The following PLEKHJ1 variants were observed in gnomAD, a reference collection of about 807,000 sequenced individuals.
PLEKHJ1 encodes pleckstrin homology domain-containing family J member 1.
A neutral mutation model predicts 21.7 loss-of-function variants in PLEKHJ1; 20 were observed. That is an observed-to-expected ratio of 0.92 (90% CI 0.65 to 1.34). The LOEUF is 1.34. PLEKHJ1 is among the 40% of genes most tolerant of loss of function. The probability of loss-of-function intolerance (pLI) is 0.00; values close to 1 mark genes in which losing one functional copy is unlikely to be tolerated. For missense variants in PLEKHJ1, 241 were observed against 202.0 expected, an observed-to-expected ratio of 1.19 and a Z score of -1.17; for synonymous variants, 113 against 80.6, an observed-to-expected ratio of 1.40 and a Z score of -2.15.
In PLEKHJ1 at chr19:2,235,826, G is replaced by T. The variant is rs1298082435; in HGVS notation, c.165C>A (p.Pro55=). Reference sequence around the variant, plus strand: ...AGCGCTCCAGCAGCAGGGCTCCGACGGGCTGGAGGAGACACGGGCGCCGGG... The same window carrying T: ...AGCGCTCCAGCAGCAGGGCTCCGACTGGCTGGAGGAGACACGGGCGCCGGG... The part of the protein sequence containing the change: ...LFYFRTDEAE[P]VGALLLERCR... The change falls in exon 3 of 6, where the codon CCC becomes CCA. Residue 55 remains proline, a splice_region_variant and synonymous_variant. Transcript: ENST00000326631. The T allele has an allele frequency of 3.2e-6, 5 of 1,556,876 alleles. No homozygotes were observed. In the Admixed American group the frequency reaches 5.8e-5, roughly 18 times the overall value.
chr19:2,235,948 A>C lies in PLEKHJ1; in HGVS notation c.137T>G (p.Phe46Cys). ...CTCGGCCTCGTCTGTCCGAAAGTAGAAGAGGAAATTCACCACCAGCTTCAC... is the reference window on the plus strand; with the variant it reads ...CTCGGCCTCGTCTGTCCGAAAGTAGCAGAGGAAATTCACCACCAGCTTCAC... ...RLVKLVVNFL[F>C]YFRTDEAEPV... Residue 46 changes from phenylalanine (F) to cysteine (C), a missense_variant, in exon 2 of 6, where the codon TTC (phenylalanine) becomes TGC (cysteine). Coordinates refer to ENST00000326631, the MANE Select transcript of PLEKHJ1 (RefSeq NM_018049.3). 6.2e-7 allele frequency: 1 copy of C among 1,610,460 alleles called. No homozygotes were observed. Among genetic ancestry groups the C allele is most frequent in the Non-Finnish European group, 8.5e-7 (1 of 1,179,106 alleles).
chr19:2,232,873 T>C (rs1253208215), downstream of PLEKHJ1, among the ~76,000 whole-genome samples: 1 of 152,094 alleles, frequency 6.6e-6, no homozygotes, highest in Non-Finnish European at 1.5e-5. Flanking sequence ...CCTTTTCACA[T>C]CAGATGGACC....
chr19:2,234,055 C>T lies in PLEKHJ1; in HGVS notation c.327G>A (p.Glu109=). 6.2e-7 allele frequency: 1 copy of T among 1,613,578 alleles called. No homozygotes were observed. The highest frequency in any genetic ancestry group is 8.5e-7 in the Non-Finnish European group (1 of 1,180,028). Residue 109 remains glutamate, a synonymous_variant, in exon 5 of 6, where the codon GAG becomes GAA. Coordinates refer to ENST00000326631, the MANE Select transcript of PLEKHJ1 (RefSeq NM_018049.3). ...AGAAGATGAGGCTTCTCCGCATGAACTCGTAGCTGGGGAAAAGGGTGGCAC... is the reference window on the plus strand; with the variant it reads ...AGAAGATGAGGCTTCTCCGCATGAATTCGTAGCTGGGGAAAAGGGTGGCAC... ...WMEALRRASY[E]FMRRSLIFYR... is the part of the protein sequence containing the mutation.
chr19:2,235,935 T>C lies in PLEKHJ1; in HGVS notation c.150A>G (p.Thr50=), dbSNP rs144856885. The C allele has an allele frequency of 1.2e-5, 19 of 1,610,152 alleles. No homozygotes were observed. In the African/African-American group the frequency reaches 2.3e-4, roughly 19 times the overall value. Residue 50 remains threonine, a synonymous_variant, in exon 2 of 6, where the codon ACA becomes ACG. Coordinates refer to ENST00000326631, the MANE Select transcript of PLEKHJ1 (RefSeq NM_018049.3). The part of the protein sequence containing the change: ...LVVNFLFYFR[T]DEAEPVGALL... ...GGGACGCCCCTACCTCGGCCTCGTCTGTCCGAAAGTAGAAGAGGAAATTCA... is the reference window on the plus strand; with the variant it reads ...GGGACGCCCCTACCTCGGCCTCGTCCGTCCGAAAGTAGAAGAGGAAATTCA...
At chr19:2,229,994 T>C (rs751399828), downstream of PLEKHJ1, 3 of 773,072 alleles carry the variant, frequency 3.9e-6, no homozygotes, top group Non-Finnish European at 6.1e-6. Context: ...TTAGATAAAG[T>C]ATTTATCATT....
chr19:2,233,081 C>T (rs1294823010), downstream of PLEKHJ1: 1 of 152,544 alleles, frequency 6.6e-6, no homozygotes, highest in Non-Finnish European at 1.5e-5. Flanking sequence ...TCTCAGGACC[C>T]TGAGCCTTAC....
In PLEKHJ1 at chr19:2,236,307, C is replaced by G. The variant is rs1437993346; in HGVS notation, c.-59G>C. On this transcript the variant is annotated 5_prime_UTR_variant, in exon 1 of 6. Coordinates refer to ENST00000326631, the MANE Select transcript of PLEKHJ1 (RefSeq NM_018049.3). Reference sequence around the variant, plus strand: ...CTCCCGGCCGCCGTCCCCGCTCAGGCTGGGGCCGGCGCCAAAAATGTCTCA... The same window carrying G: ...CTCCCGGCCGCCGTCCCCGCTCAGGGTGGGGCCGGCGCCAAAAATGTCTCA... The G allele has an allele frequency of 1.2e-5, 14 of 1,120,474 alleles. No individual in the cohort carries two copies. Among genetic ancestry groups the G allele is most frequent in the Non-Finnish European group, 1.4e-5 (12 of 857,422 alleles). The allele number at this position is 1,120,474 out of a possible 1,614,324, so 69.4% of individuals were successfully genotyped here. A position where few individuals can be genotyped will look rare whatever the true frequency, so the allele number is the denominator to read the frequency against.
chr19:2,230,557 G>A (rs1303759053), downstream of PLEKHJ1: 16 of 398,636 alleles, frequency 4.0e-5, no homozygotes, highest in Non-Finnish European at 7.1e-5. Context: ...GGCTGTCCAT[G>A]GCTCGCAGCA....
At position 2,234,040 on chromosome 19, in the gene PLEKHJ1, G is replaced by A. The variant is rs1136203; in HGVS notation, c.342C>T (p.Ser114=). 1.2e-6 allele frequency: 2 copies of A among 1,613,528 alleles called. No individual in the cohort carries two copies. Among genetic ancestry groups the A allele is most frequent in the East Asian group, 2.2e-5 (1 of 44,890 alleles). Residue 114 remains serine, a synonymous_variant, in exon 5 of 6, where the codon AGC becomes AGT. Coordinates refer to ENST00000326631, the MANE Select transcript of PLEKHJ1 (RefSeq NM_018049.3). ...RRASYEFMRR[S]LIFYRNEIRK... is the part of the protein sequence containing the mutation. ...GGATTTCGTTCCTGTAGAAGATGAG[G>A]CTTCTCCGCATGAACTCGTAGCTGG... is the stretch of plus-strand genomic sequence containing the variant.
Position 2,236,185 on chromosome 19 carries a change from G to T in PLEKHJ1, c.64C>A (p.Leu22Met). The change falls in exon 1 of 6, where the codon CTG becomes ATG. Residue 22 changes from leucine (L) to methionine (M), a missense_variant. Coordinates refer to ENST00000326631, the MANE Select transcript of PLEKHJ1 (RefSeq NM_018049.3). Reference protein sequence around the residue: ...SRQPAEMAAELGMRGPKKGSV... With the variant: ...SRQPAEMAAEMGMRGPKKGSV... ...CCCTTCTTGGGGCCCCTCATGCCCAGCTCGGCCGCCATCTCGGCCGGCTGC... is the reference window on the plus strand; with the variant it reads ...CCCTTCTTGGGGCCCCTCATGCCCATCTCGGCCGCCATCTCGGCCGGCTGC... 4.7e-6 allele frequency: 7 copies of T among 1,481,304 alleles called. No homozygotes were observed. Among genetic ancestry groups the T allele is most frequent in the Non-Finnish European group, 5.4e-6 (6 of 1,118,454 alleles). The allele number at this position is 1,481,304 out of a possible 1,614,324, so 91.8% of individuals were successfully genotyped here. A position where few individuals can be genotyped will look rare whatever the true frequency, so the allele number is the denominator to read the frequency against.
rs2144991350 is a variant in PLEKHJ1, at chr19:2,234,238, A to C, written c.232T>G (p.Phe78Val). Reference sequence around the variant, plus strand: ...TACTTCCTCTCAGGGTCCTCAATGAAGCCTGGGGATGGAACACCTGTGGTC... The same window carrying C: ...TACTTCCTCTCAGGGTCCTCAATGACGCCTGGGGATGGAACACCTGTGGTC... ...REEPGTFSIS[F>V]IEDPERKYHF... The change falls in exon 4 of 6, where the codon TTC becomes GTC. Residue 78 changes from phenylalanine to valine, a missense_variant and splice_region_variant. Transcript: ENST00000326631. 6.2e-7 allele frequency: 1 copy of C among 1,611,988 alleles called. No homozygotes were observed. Among genetic ancestry groups the C allele is most frequent in the South Asian group, 1.1e-5 (1 of 91,038 alleles).
chr19:2,234,115 C>T, intron 4 of PLEKHJ1, 35 bp downstream of exon 4: 1 of 1,611,142 alleles, frequency 6.2e-7, no homozygotes, highest in Non-Finnish European at 8.5e-7. Flanking sequence ...GCTGCTGTGC[C>T]CACCCCAGCA....
downstream of PLEKHJ1, chr19:2,230,879 T>C (rs2024569773): frequency 3.1e-6 from 1 of 323,442 alleles, no homozygotes; most frequent in Non-Finnish European, 5.6e-6. Context: ...CATCCCTTCC[T>C]GTCAGGGCCA....
Position 2,236,157 on chromosome 19 carries a change from C to A in PLEKHJ1, c.92G>T (p.Ser31Ile). 6.8e-7 allele frequency: 1 copy of A among 1,479,326 alleles called. No individual in the cohort carries two copies. Among genetic ancestry groups the A allele is most frequent in the East Asian group, 2.9e-5 (1 of 33,924 alleles). The allele number at this position is 1,479,326 out of a possible 1,614,324, so 91.6% of individuals were successfully genotyped here. The change falls in exon 1 of 6, where the codon AGC becomes ATC. Residue 31 changes from serine to isoleucine, a missense_variant and splice_region_variant. By Grantham distance (142) the Ser-to-Ile change is moderately radical. Coordinates refer to ENST00000326631, the MANE Select transcript of PLEKHJ1 (RefSeq NM_018049.3). ...TCGGTCTCCCGGGTCCCGCTCACCG[C>A]TGCCCTTCTTGGGGCCCCTCATGCC... is the stretch of plus-strand genomic sequence containing the variant. ...ELGMRGPKKG[S>I]VLKRRLVKLV...
At chr19:2,231,177 G>T, downstream of PLEKHJ1, 1 of 227,602 alleles carries the variant, frequency 4.4e-6, no homozygotes, top group Non-Finnish European at 8.7e-6. Flanking sequence ...CTGGAGGATG[G>T]GATCTGGGAG....
At position 2,233,679 on chromosome 19, in the gene PLEKHJ1, CAGTG is replaced by C. The variant is rs2024686970; in HGVS notation, c.*157_*160del. ...ACTTGAGTCCAGAAGGTCAAGGTCACAGTGAGCTGTGGCACCACTGCACTCTAGC... is the reference window on the plus strand; with the variant it reads ...ACTTGAGTCCAGAAGGTCAAGGTCACAGCTGTGGCACCACTGCACTCTAGC... On this transcript the variant is annotated 3_prime_UTR_variant, in exon 6 of 6. Coordinates refer to ENST00000326631, the MANE Select transcript of PLEKHJ1 (RefSeq NM_018049.3). The C allele has an allele frequency of 3.1e-6, 2 of 635,400 alleles. No homozygotes were observed. Among genetic ancestry groups the C allele is most frequent in the Admixed American group, 5.5e-5 (2 of 36,170 alleles). The allele number at this position is 635,400 out of a possible 1,614,324, so 39.4% of individuals were successfully genotyped here.
In PLEKHJ1 at chr19:2,234,173, C is replaced by T; in HGVS notation, c.297G>A (p.Trp99Ter). 1 of 1,613,026 alleles carries T rather than the reference C, an allele frequency of 6.2e-7. No individual in the cohort carries two copies. The highest frequency in any genetic ancestry group is 8.5e-7 in the Non-Finnish European group (1 of 1,180,014). ...ACCTGGCCCGACGCAGAGCCTCCATCCACTCCTGACACTGCTCCTCGCTGC... is the reference window on the plus strand; with the variant it reads ...ACCTGGCCCGACGCAGAGCCTCCATTCACTCCTGACACTGCTCCTCGCTGC... ...ECSSEEQCQE[W>*]MEALRRASYE... is the part of the protein sequence containing the mutation. The change falls in exon 4 of 6, where the codon TGG becomes TGA. Residue 99 changes from tryptophan (W) to a stop codon, truncating the protein, a stop_gained. Transcript: ENST00000326631. LOFTEE classifies it high-confidence loss of function.
Position 2,235,952 on chromosome 19 carries a change from G to A in PLEKHJ1, c.133C>T (p.Leu45Phe). ...GCCTCGTCTGTCCGAAAGTAGAAGA[G>A]GAAATTCACCACCAGCTTCACCAGC... ...RRLVKLVVNF[L>F]FYFRTDEAEP... Residue 45 changes from leucine (L) to phenylalanine (F), a missense_variant, in exon 2 of 6, where the codon CTC (leucine) becomes TTC (phenylalanine). Physicochemically the swap from Leu to Phe is conservative, Grantham distance 22 (BLOSUM62 0). Coordinates refer to ENST00000326631, the MANE Select transcript of PLEKHJ1 (RefSeq NM_018049.3). 1.2e-6 allele frequency: 2 copies of A among 1,610,564 alleles called. No homozygotes were observed. The highest frequency in any genetic ancestry group is 1.7e-6 in the Non-Finnish European group (2 of 1,179,138).
At chr19:2,230,262 CCCCCG>C (rs2024541367), downstream of PLEKHJ1, 2 of 427,262 alleles carry the variant, frequency 4.7e-6, no homozygotes, top group Non-Finnish European at 8.2e-6. Flanking sequence ...CCGGCCGGCT[CCCCCG>C]ACGCGCTGCT....
Sources: allele counts gnomAD v4.1 joint callset (sites outside exome capture counted in the v4.1 genomes callset), GRCh38; gene constraint gnomAD v4.1.1; transcripts MANE v1.5; gene names NCBI Gene and HGNC (gene_info 2026-07-23, HGNC 2026-07-21).